Variants in TMEM132D observed in about 807,000 individuals in gnomAD.
TMEM132D encodes the protein transmembrane protein 132D.
TMEM132D carries 21 observed loss-of-function variants against 62.3 expected under a neutral mutation model. That is an observed-to-expected ratio of 0.34 (90% CI 0.24 to 0.49). TMEM132D has a LOEUF of 0.49. Among genes scored for constraint, TMEM132D ranks in the 20% least tolerant of loss-of-function variants. TMEM132D has a pLI of 0.99. For synonymous variants in TMEM132D, 621 were observed against 575.6 expected (o/e 1.08, Z -1.13); for missense variants, 1,346 against 1,402.8 (o/e 0.96, Z 0.65).
At chr12:129,351,968 G>A (rs1869880686) in intron 3 of TMEM132D, among the ~76,000 whole-genome samples, 1 of 152,148 alleles carries the variant, frequency 6.6e-6, no homozygotes, top group Admixed American at 6.5e-5. Context: ...AGAAGTTACA[G>A]AAGATGGATC....
At chr12:129,822,847 G>A (rs1172526971) in intron 1 of TMEM132D, among the ~76,000 whole-genome samples, 1 of 152,062 alleles carries the variant, frequency 6.6e-6, no homozygotes, top group East Asian at 1.9e-4. Context: ...TGACATTTGG[G>A]GATTATTGTA....
intron 4 of TMEM132D, among the ~76,000 whole-genome samples, chr12:129,269,554 T>C (rs979435853): frequency 7.9e-5 from 12 of 152,142 alleles, no homozygotes; most frequent in African/African-American, 2.9e-4. Flanking sequence ...AATGAGTGAA[T>C]GTGTTTGTGA....
chr12:129,642,232 G>A (rs1879658691), intron 2 of TMEM132D, among the ~76,000 whole-genome samples: 1 of 152,200 alleles, frequency 6.6e-6, no homozygotes. Flanking sequence ...TACCTTCCCA[G>A]CCAAACAAAA....
intron 1 of TMEM132D, among the ~76,000 whole-genome samples, chr12:129,750,073 G>A (rs1869948423): frequency 6.6e-6 from 1 of 151,996 alleles, no homozygotes; most frequent in Non-Finnish European, 1.5e-5. Context: ...CTTGTCAGAG[G>A]ATGCCCTTTA....
chr12:129,606,251 C>T (rs1056506285), intron 2 of TMEM132D, among the ~76,000 whole-genome samples: 3 of 152,090 alleles, frequency 2.0e-5, no homozygotes, highest in African/African-American at 7.2e-5. Flanking sequence ...GTTCAGAAAG[C>T]TTCAAAGGGG....
intron 5 of TMEM132D, among the ~76,000 whole-genome samples, chr12:129,168,029 T>C (rs1479808112): frequency 1.3e-5 from 2 of 152,112 alleles, no homozygotes; most frequent in African/African-American, 4.8e-5. Context: ...CAATGGAGCT[T>C]TTTGCAAAAG....
chr12:129,676,702 C>T (rs1366985886), intron 2 of TMEM132D, among the ~76,000 whole-genome samples: 1 of 152,212 alleles, frequency 6.6e-6, no homozygotes, highest in Non-Finnish European at 1.5e-5. Context: ...ACATCTCCCT[C>T]TAGGCCCCAC....
chr12:129,678,509 T>C (rs760477302), intron 2 of TMEM132D, among the ~76,000 whole-genome samples: 2 of 152,172 alleles, frequency 1.3e-5, no homozygotes, highest in Non-Finnish European at 2.9e-5. Context: ...CTTTGAATTA[T>C]AGGTTATTTA....
At chr12:129,206,608 A>G (rs1470230947) in intron 5 of TMEM132D, among the ~76,000 whole-genome samples, 3 of 152,202 alleles carry the variant, frequency 2.0e-5, no homozygotes, top group Non-Finnish European at 4.4e-5. Context: ...TTGGGTACAT[A>G]CCCAAAGGAA....
chr12:129,711,788 T>A (rs1239864167), intron 1 of TMEM132D, among the ~76,000 whole-genome samples: 1 of 147,452 alleles, frequency 6.8e-6, no homozygotes, highest in African/African-American at 2.5e-5. Context: ...TATATATTCA[T>A]ATTATAAATA....
Position 129,136,804 on chromosome 12 carries a change from CCAT to C in TMEM132D, c.1444-52105_1444-52103del, listed in dbSNP as rs1000596846. On this transcript the variant is annotated intron_variant, in intron 5 of 8. Transcript: ENST00000422113. ...ACCATCATCACCATCACCATCATCACCATCATCATCACATCAATACCATCATCA... is the reference window on the plus strand; with the variant it reads ...ACCATCATCACCATCACCATCATCACCATCATCACATCAATACCATCATCA... Among the ~76,000 whole-genome samples the C allele has an allele frequency of 6.9e-5, 10 of 145,844 alleles. No homozygotes were observed. The East Asian group carries it at 1.3e-3, about 18-fold the overall frequency.
At chr12:129,848,408 C>T (rs944014838) in intron 1 of TMEM132D, among the ~76,000 whole-genome samples, 5 of 152,060 alleles carry the variant, frequency 3.3e-5, no homozygotes, top group South Asian at 2.1e-4. Flanking sequence ...CTCCCGGTAC[C>T]GGAATGCTTC....
chr12:129,816,780 A>G (rs1197612073), intron 1 of TMEM132D, among the ~76,000 whole-genome samples: 1 of 152,226 alleles, frequency 6.6e-6, no homozygotes, highest in African/African-American at 2.4e-5. Context: ...TTCTTCACTG[A>G]TATGAGGACT....
chr12:129,360,138 AC>A (rs1870200448), intron 3 of TMEM132D, among the ~76,000 whole-genome samples: 2 of 152,196 alleles, frequency 1.3e-5, no homozygotes, highest in South Asian at 4.1e-4. Context: ...ACACCTGTCA[AC>A]CCAGGCCCTG....
At chr12:129,694,533 G>A (rs186470896) in intron 2 of TMEM132D, among the ~76,000 whole-genome samples, 6 of 152,276 alleles carry the variant, frequency 3.9e-5, no homozygotes, top group African/African-American at 7.2e-5. Context: ...ACCTAACTTC[G>A]GAGTATGCGC....
At chr12:129,882,092 T>C (rs540375634) in intron 1 of TMEM132D, among the ~76,000 whole-genome samples, 2 of 152,114 alleles carry the variant, frequency 1.3e-5, no homozygotes, top group East Asian at 3.9e-4. Context: ...AGTAGATAAT[T>C]TGAATAATCC....
At chr12:129,507,945 A>G (rs867157568) in intron 3 of TMEM132D, among the ~76,000 whole-genome samples, 1 of 152,090 alleles carries the variant, frequency 6.6e-6, no homozygotes. Context: ...CACATATTCT[A>G]TTTGGTCCAC....
At chr12:129,831,858 T>G (rs1872844234) in intron 1 of TMEM132D, among the ~76,000 whole-genome samples, 1 of 136,990 alleles carries the variant, frequency 7.3e-6, no homozygotes, top group Non-Finnish European at 1.5e-5. Flanking sequence ...TTTCTTTTCT[T>G]TTTCTTTCTT....
intron 1 of TMEM132D, among the ~76,000 whole-genome samples, chr12:129,899,353 G>T (rs552253358): frequency 2.3e-5 from 3 of 129,792 alleles, no homozygotes; most frequent in South Asian, 2.3e-4. Context: ...GATGGATGGA[G>T]GGATGGATGG....
Sources: allele counts gnomAD v4.1 joint callset (sites outside exome capture counted in the v4.1 genomes callset), GRCh38; gene constraint gnomAD v4.1.1; transcripts MANE v1.5; gene names NCBI Gene and HGNC (gene_info 2026-07-23, HGNC 2026-07-21).